PKD2L1: variants seen among roughly 807,000 people sequenced by gnomAD.
The protein encoded by PKD2L1 is polycystin 2 like 1, transient receptor potential cation channel.
PKD2L1 carries 77 observed loss-of-function variants against 93.0 expected under a neutral mutation model. The ratio of observed to expected loss-of-function variants is 0.83; its 90% CI spans 0.69 to 1.00. The LOEUF is 1.00. Ranked by LOEUF, PKD2L1 falls within the 50% of genes least tolerant of loss-of-function variation. The pLI is 0.00. For missense variants in PKD2L1, 977 were observed against 990.9 expected, an observed-to-expected ratio of 0.99 and a Z score of 0.19; for synonymous variants, 390 against 388.0, an observed-to-expected ratio of 1.01 and a Z score of -0.06.
At chr10:100,328,081 A>G (rs1257937993) in intron 2 of PKD2L1, among the ~76,000 whole-genome samples, 3 of 152,240 alleles carry the variant, frequency 2.0e-5, no homozygotes, top group Non-Finnish European at 4.4e-5. Context: ...TGTACGATTC[A>G]ACCTACAGCT....
chr10:100,302,563 G>A (rs910929715), intron 2 of PKD2L1, among the ~76,000 whole-genome samples: 1 of 151,836 alleles, frequency 6.6e-6, no homozygotes, highest in African/African-American at 2.4e-5. Context: ...AATTACCCGG[G>A]CATGGTGTTG....
chr10:100,316,131 A>T (rs1363150087), intron 2 of PKD2L1, among the ~76,000 whole-genome samples: 1 of 152,082 alleles, frequency 6.6e-6, no homozygotes, highest in East Asian at 1.9e-4. Flanking sequence ...TTTACATGTC[A>T]GCCTTCCTTA....
chr10:100,311,309 T>G (rs1848927837), intron 2 of PKD2L1, among the ~76,000 whole-genome samples: 2 of 152,234 alleles, frequency 1.3e-5, no homozygotes, highest in Admixed American at 1.3e-4. Flanking sequence ...CCACTTGTTT[T>G]GCTAGGTCGT....
At chr10:100,318,430 G>C (rs1042038788) in intron 2 of PKD2L1, among the ~76,000 whole-genome samples, 2 of 151,998 alleles carry the variant, frequency 1.3e-5, no homozygotes, top group Admixed American at 1.3e-4. Flanking sequence ...TGTAATACGA[G>C]TTATATGCTC....
chr10:100,310,249 G>C (rs1848903855), intron 2 of PKD2L1, among the ~76,000 whole-genome samples: 1 of 152,108 alleles, frequency 6.6e-6, no homozygotes, highest in Non-Finnish European at 1.5e-5. Context: ...GCAGGAGGGT[G>C]CTTGAGCCCA....
At chr10:100,303,528 CA>C (rs1469071017) in intron 2 of PKD2L1, among the ~76,000 whole-genome samples, 3 of 152,180 alleles carry the variant, frequency 2.0e-5, no homozygotes, top group Non-Finnish European at 4.4e-5. Context: ...CTCTTATGAG[CA>C]ATTCCCTTTA....
Position 100,328,302 on chromosome 10 carries a change from A to C in PKD2L1, c.349+909T>G, listed in dbSNP as rs1172121860. Among the ~76,000 whole-genome samples the C allele has an allele frequency of 2.0e-5, 3 of 152,080 alleles. No homozygotes were observed. In the East Asian group the frequency reaches 5.8e-4, roughly 29 times the overall value. ...CCTATCTTTTCACTTGCTTCTCTCA[A>C]CTTAGAGATCAAAATTTCTCAGTTT... On this transcript the variant is annotated intron_variant, in intron 2 of 15. Coordinates refer to ENST00000318222, the MANE Select transcript of PKD2L1 (RefSeq NM_016112.3).
Position 100,329,338 on chromosome 10 carries a change from G to C in PKD2L1, c.236-14C>G. On this transcript the variant is annotated splice_polypyrimidine_tract_variant and intron_variant, in intron 1 of 15. Transcript: ENST00000318222. ...TTCCCCAAAGTCCTAAGGGGCATGG[G>C]AGAGATGCCTGGGATGCTCAGTGGC... is the stretch of plus-strand genomic sequence containing the variant. The C allele has an allele frequency of 6.2e-7, 1 of 1,614,138 alleles. No individual in the cohort carries two copies. Among genetic ancestry groups the C allele is most frequent in the Non-Finnish European group, 8.5e-7 (1 of 1,180,018 alleles).
chr10:100,296,927 G>A, intron 6 of PKD2L1, 53 bp downstream of exon 6: 2 of 1,220,838 alleles, frequency 1.6e-6, no homozygotes, highest in Admixed American at 1.8e-5. Flanking sequence ...CTATTAGGGT[G>A]GAACTCCCTC....
At chr10:100,307,184 T>C (rs1171237718) in intron 2 of PKD2L1, among the ~76,000 whole-genome samples, 1 of 152,230 alleles carries the variant, frequency 6.6e-6, no homozygotes, top group Non-Finnish European at 1.5e-5. Context: ...CTTGACATGC[T>C]TATTTCATTT....
In PKD2L1 at chr10:100,297,609, G is replaced by T; in HGVS notation, c.732-3C>A. 6.2e-7 allele frequency: 1 copy of T among 1,611,310 alleles called. No individual in the cohort carries two copies. On this transcript the variant is annotated splice_polypyrimidine_tract_variant and splice_region_variant and intron_variant, in intron 4 of 15. Transcript: ENST00000318222. ...CATCCTGCGAGTGGTATGTCCACCT[G>T]CCACAGAAAATGCCAGCTGAGCCAG...
chr10:100,306,670 G>C (rs1177444622), intron 2 of PKD2L1, among the ~76,000 whole-genome samples: 1 of 151,614 alleles, frequency 6.6e-6, no homozygotes, highest in African/African-American at 2.4e-5. Context: ...ACACCAGCCC[G>C]GGCAACATGG....
At chr10:100,296,007 A>G (rs2134381028) in intron 7 of PKD2L1, 115 bp downstream of exon 7, 1 of 911,808 alleles carries the variant, frequency 1.1e-6, no homozygotes, top group African/African-American at 1.8e-5. Context: ...ACTTCACTCC[A>G]GCCTGGGCAA....
chr10:100,305,039 T>A (rs966512134), intron 2 of PKD2L1, among the ~76,000 whole-genome samples: 1 of 151,952 alleles, frequency 6.6e-6, no homozygotes, highest in African/African-American at 2.4e-5. Flanking sequence ...GAACCAACAG[T>A]GGAAAAATGA....
rs1849252361 is a variant in PKD2L1, at chr10:100,321,778, G to A, written c.349+7433C>T. On this transcript the variant is annotated intron_variant, in intron 2 of 15. Coordinates refer to ENST00000318222, the MANE Select transcript of PKD2L1 (RefSeq NM_016112.3). Reference sequence around the variant, plus strand: ...AAGAAGGGAGGGAGGGAGGGAGGGAGGGAGGGAGGGAGGGAGGGAGGGAGG... The same window carrying A: ...AAGAAGGGAGGGAGGGAGGGAGGGAAGGAGGGAGGGAGGGAGGGAGGGAGG... Among the ~76,000 whole-genome samples the A allele has an allele frequency of 7.6e-4, 4 of 5,242 alleles. 2 individuals are homozygous for A. Among genetic ancestry groups the A allele is most frequent in the African/African-American group, 3.6e-3 (4 of 1,108 alleles). The allele number at this position is 5,242 out of a possible 152,430, so 3.4% of individuals were successfully genotyped here. A position where few individuals can be genotyped will look rare whatever the true frequency, so the allele number is the denominator to read the frequency against.
chr10:100,322,735 A>G (rs547296731), intron 2 of PKD2L1, among the ~76,000 whole-genome samples: 1 of 152,374 alleles, frequency 6.6e-6, no homozygotes, highest in South Asian at 2.1e-4. Flanking sequence ...AGGGTAGGGC[A>G]CGGAGTGGTC....
chr10:100,330,022 G>A lies in PKD2L1; in HGVS notation c.82C>T (p.Pro28Ser). 6.2e-7 allele frequency: 1 copy of A among 1,613,516 alleles called. No individual in the cohort carries two copies. Among genetic ancestry groups the A allele is most frequent in the Non-Finnish European group, 8.5e-7 (1 of 1,179,626 alleles). The change falls in exon 1 of 16, where the codon CCC (proline) becomes TCC (serine). Residue 28 changes from proline (P) to serine (S), a missense_variant. Physicochemically the swap from Pro to Ser is moderately conservative, Grantham distance 74 (BLOSUM62 -1). Transcript: ENST00000318222. ...GAWDNPAYSG[P>S]PSPHGTLRVC... ...CTCAGCGTCCCGTGTGGGGAAGGGG[G>A]ACCACTGTAGGCGGGGTTGTCCCAG...
intron 2 of PKD2L1, among the ~76,000 whole-genome samples, chr10:100,302,236 T>TAC (rs371466280): frequency 0.067 from 8,093 of 120,610 alleles, 696 homozygotes; most frequent in African/African-American, 0.21. Flanking sequence ...TATTCATGCA[T>TAC]ACACACACAC....
At position 100,288,220 on chromosome 10, in the gene PKD2L1, C is replaced by T. The variant is rs1589656082; in HGVS notation, c.*176G>A. On this transcript the variant is annotated 3_prime_UTR_variant, in exon 16 of 16. Coordinates refer to ENST00000318222, the MANE Select transcript of PKD2L1 (RefSeq NM_016112.3). ...TCTTATGGAAGAATAATGTCAGAAC[C>T]CACCACATATTAATTCAAAGATCTC... 3 of 602,590 alleles carry T rather than the reference C, an allele frequency of 5.0e-6. No homozygotes were observed. The highest frequency in any genetic ancestry group is 8.9e-6 in the Non-Finnish European group (3 of 335,928). 37.3% of individuals were successfully genotyped at this position (602,590 alleles called of 1,614,324 possible).
Sources: gnomAD v4.1 joint callset for allele counts (sites outside exome capture counted in the v4.1 genomes callset) on GRCh38, gnomAD v4.1.1 for gene constraint, MANE v1.5 for transcripts, NCBI Gene and HGNC (gene_info 2026-07-23, HGNC 2026-07-21) for gene names.